Variants in NEGR1 observed in about 807,000 individuals in gnomAD.
The protein encoded by NEGR1 is IgLON family member 4.
In NEGR1, 10 loss-of-function variants were observed where a neutral mutation model predicts 40.9. The observed-to-expected ratio is 0.24, with a 90% CI of 0.15 to 0.42. The LOEUF is 0.42. NEGR1 is among the 10% of genes least tolerant of loss of function. NEGR1 has a pLI of 1.00. For synonymous variants in NEGR1, 185 were observed against 166.8 expected (o/e 1.11, Z -0.84); for missense variants, 352 against 438.9 (o/e 0.80, Z 1.77).
chr1:71,863,044 T>C (rs901713781), intron 2 of NEGR1, among the ~76,000 whole-genome samples: 26 of 152,178 alleles, frequency 1.7e-4, no homozygotes, highest in African/African-American at 5.5e-4. Context: ...GTATGGTGAT[T>C]CCTCAAGGAC....
chr1:72,229,435 T>A (rs930321522), intron 1 of NEGR1, among the ~76,000 whole-genome samples: 5 of 148,816 alleles, frequency 3.4e-5, no homozygotes, highest in African/African-American at 1.2e-4. Flanking sequence ...TTTAAATTTT[T>A]AAATAATAAT....
intron 6 of NEGR1, among the ~76,000 whole-genome samples, chr1:71,497,934 C>T (rs1646975810): frequency 1.3e-5 from 2 of 151,946 alleles, no homozygotes; most frequent in Admixed American, 1.3e-4. Context: ...TTTTAAAAGA[C>T]ATCATTTAGC....
At chr1:71,789,675 T>C (rs1005261645) in intron 2 of NEGR1, among the ~76,000 whole-genome samples, 2 of 152,140 alleles carry the variant, frequency 1.3e-5, no homozygotes, top group Non-Finnish European at 2.9e-5. Context: ...TATCAGATTC[T>C]GTTTTTAAAA....
intron 1 of NEGR1, among the ~76,000 whole-genome samples, chr1:72,224,430 C>A (rs2100488141): frequency 6.6e-6 from 1 of 151,828 alleles, no homozygotes; most frequent in South Asian, 2.1e-4. Context: ...AAGGGCCTTG[C>A]ATATTTGTGG....
chr1:71,508,374 A>G (rs1043074603), intron 6 of NEGR1, among the ~76,000 whole-genome samples: 1 of 152,170 alleles, frequency 6.6e-6, no homozygotes, highest in African/African-American at 2.4e-5. Context: ...TCACCTGAGG[A>G]ACCCCTAAAG....
intron 2 of NEGR1, among the ~76,000 whole-genome samples, chr1:71,923,899 G>A (rs563090735): frequency 1.3e-5 from 2 of 151,366 alleles, no homozygotes; most frequent in African/African-American, 4.8e-5. Flanking sequence ...AAAGTTAATA[G>A]GCACTTTCTT....
At chr1:71,768,217 A>T (rs1386823236) in intron 3 of NEGR1, among the ~76,000 whole-genome samples, 1 of 152,104 alleles carries the variant, frequency 6.6e-6, no homozygotes, top group Non-Finnish European at 1.5e-5. Flanking sequence ...TGTACCCTAC[A>T]CCTGGAAAAG....
At chr1:72,053,296 A>G (rs1647078563) in intron 1 of NEGR1, among the ~76,000 whole-genome samples, 1 of 151,220 alleles carries the variant, frequency 6.6e-6, no homozygotes, top group African/African-American at 2.4e-5. Flanking sequence ...GCTTAGTAAA[A>G]GAAAACTGGT....
At chr1:72,214,196 T>C (rs1261020587) in intron 1 of NEGR1, among the ~76,000 whole-genome samples, 1 of 151,870 alleles carries the variant, frequency 6.6e-6, no homozygotes, top group Non-Finnish European at 1.5e-5. Flanking sequence ...CAATAAACTA[T>C]ATATTGATGG....
At chr1:71,744,748 G>GA (rs957686162) in intron 3 of NEGR1, among the ~76,000 whole-genome samples, 2 of 152,002 alleles carry the variant, frequency 1.3e-5, no homozygotes, top group Non-Finnish European at 2.9e-5. Flanking sequence ...AGTTTTTTAA[G>GA]AAAAAATTTC....
Position 71,775,346 on chromosome 1 carries a change from C to CT in NEGR1, c.535+825dup, listed in dbSNP as rs11290277. On this transcript the variant is annotated intron_variant, in intron 3 of 6. Coordinates refer to ENST00000357731, the MANE Select transcript of NEGR1 (RefSeq NM_173808.3). ...ACTCTGAGTGAAAAGTATTCTTTAA[C>CT]TTTTTTTTTTTTTTTTTTGAGACAG... 3.0e-3 allele frequency among the ~76,000 whole-genome samples: 398 copies of CT among 131,508 alleles called. 2 individuals carry two copies. Among genetic ancestry groups the CT allele is most frequent in the Admixed American group, 0.012 (153 of 12,920 alleles). 86.3% of individuals were successfully genotyped at this position (131,508 alleles called of 152,430 possible). A position where few individuals can be genotyped will look rare whatever the true frequency, so the allele number is the denominator to read the frequency against.
At chr1:72,128,415 C>T (rs529336585) in intron 1 of NEGR1, among the ~76,000 whole-genome samples, 24 of 152,076 alleles carry the variant, frequency 1.6e-4, no homozygotes, top group Admixed American at 9.8e-4. Flanking sequence ...AATTGCTGTC[C>T]TCAGAGTGTG....
At chr1:71,955,425 G>A (rs1442360291) in intron 1 of NEGR1, among the ~76,000 whole-genome samples, 1 of 151,990 alleles carries the variant, frequency 6.6e-6, no homozygotes, top group South Asian at 2.1e-4. Context: ...ATGAACTCAG[G>A]GTTCTGGATC....
At chr1:71,834,887 TCA>T (rs10524992) in intron 2 of NEGR1, among the ~76,000 whole-genome samples, 12 of 146,048 alleles carry the variant, frequency 8.2e-5, no homozygotes, top group African/African-American at 1.3e-4. Flanking sequence ...TTTTAGGAGA[TCA>T]CACACACACA....
chr1:71,437,441 A>G (rs1007881917), intron 6 of NEGR1, among the ~76,000 whole-genome samples: 1 of 152,170 alleles, frequency 6.6e-6, no homozygotes, highest in Admixed American at 6.5e-5. Flanking sequence ...CAATACAGCT[A>G]TTATTCAAAA....
At chr1:72,016,241 C>A (rs1440070225) in intron 1 of NEGR1, among the ~76,000 whole-genome samples, 1 of 151,984 alleles carries the variant, frequency 6.6e-6, no homozygotes, top group Non-Finnish European at 1.5e-5. Flanking sequence ...GTAAGAGGAA[C>A]CTGACATTTT....
chr1:71,739,351 G>A (rs564986108), intron 3 of NEGR1, among the ~76,000 whole-genome samples: 10 of 151,648 alleles, frequency 6.6e-5, no homozygotes, highest in South Asian at 4.2e-4. Flanking sequence ...TGGCTTCCTC[G>A]CTCCTCAGCT....
At chr1:72,145,155 T>A (rs1043085257) in intron 1 of NEGR1, among the ~76,000 whole-genome samples, 13 of 151,950 alleles carry the variant, frequency 8.6e-5, no homozygotes, top group African/African-American at 2.7e-4. Flanking sequence ...GGGAAAAAAA[T>A]TCAGTGAAAT....
At chr1:71,506,694 T>C (rs1453594653) in intron 6 of NEGR1, among the ~76,000 whole-genome samples, 1 of 152,166 alleles carries the variant, frequency 6.6e-6, no homozygotes, top group East Asian at 1.9e-4. Flanking sequence ...ACTGCTTAGA[T>C]ATGATAAAAT....
Sources: gnomAD v4.1 joint callset for allele counts (sites outside exome capture counted in the v4.1 genomes callset) on GRCh38, gnomAD v4.1.1 for gene constraint, MANE v1.5 for transcripts, NCBI Gene and HGNC (gene_info 2026-07-23, HGNC 2026-07-21) for gene names.